Variants in BSCL2 observed in about 807,000 individuals in gnomAD.
BSCL2 encodes BSCL2 lipid droplet biogenesis associated, seipin.
A neutral mutation model predicts 57.4 loss-of-function variants in BSCL2; 41 were observed. That is an observed-to-expected ratio of 0.71 (90% CI 0.56 to 0.93). BSCL2 has a LOEUF of 0.93. Ranked by LOEUF, BSCL2 falls within the 40% of genes least tolerant of loss-of-function variation. BSCL2 has a pLI of 0.00. For synonymous variants in BSCL2, 237 were observed against 227.3 expected, an observed-to-expected ratio of 1.04 and a Z score of -0.38; for missense variants, 539 against 586.7, an observed-to-expected ratio of 0.92 and a Z score of 0.84.
At chr11:62,702,346 G>GT (rs1398689709) in intron 3 of BSCL2, 122 bp downstream of exon 3, 2 of 885,326 alleles carry the variant, frequency 2.3e-6, no homozygotes, top group Non-Finnish European at 3.5e-6. Flanking sequence ...GATTACAGGC[G>GT]TGAGCCACCG....
intron 1 of BSCL2, 110 bp downstream of exon 1, chr11:62,706,998 TC>T: frequency 1.1e-6 from 1 of 942,552 alleles, no homozygotes; most frequent in East Asian, 2.6e-5. Context: ...TGGGAAGTAA[TC>T]TATTCAAAAT....
At chr11:62,695,230 A>G (rs1411062586) in intron 3 of BSCL2, among the ~76,000 whole-genome samples, 1 of 152,192 alleles carries the variant, frequency 6.6e-6, no homozygotes, top group Non-Finnish European at 1.5e-5. Flanking sequence ...GCTTCTTCAC[A>G]GGGATCACCC....
At chr11:62,692,006 C>T (rs200385267) in intron 6 of BSCL2, among the ~76,000 whole-genome samples, 1 of 149,838 alleles carries the variant, frequency 6.7e-6, no homozygotes, top group African/African-American at 2.5e-5. Context: ...GAGCCGAGGT[C>T]GCGCCACTGC....
At chr11:62,701,879 G>A (rs1005997695) in intron 3 of BSCL2, among the ~76,000 whole-genome samples, 1 of 151,686 alleles carries the variant, frequency 6.6e-6, no homozygotes, top group African/African-American at 2.4e-5. Flanking sequence ...GGTTGTATAG[G>A]TACCTGAAGT....
chr11:62,701,816 G>A (rs1373775316), intron 3 of BSCL2, among the ~76,000 whole-genome samples: 1 of 146,402 alleles, frequency 6.8e-6, no homozygotes, highest in Non-Finnish European at 1.5e-5. Context: ...TGGCGACAGA[G>A]TGAGACTGTC....
At chr11:62,701,699 G>GTTAGC (rs2134726979) in intron 3 of BSCL2, among the ~76,000 whole-genome samples, 2 of 152,140 alleles carry the variant, frequency 1.3e-5, no homozygotes, top group East Asian at 3.9e-4. Context: ...GGGTGTGGTG[G>GTTAGC]CGCGCTCCTG....
rs1349790832 is a variant in BSCL2, at chr11:62,707,317, G to A, written c.-122C>T. On this transcript the variant is annotated 5_prime_UTR_variant, in exon 1 of 11. Coordinates refer to ENST00000360796, the MANE Select transcript of BSCL2 (RefSeq NM_001122955.4). ...CACATTTTCCTGGATATGGAAAATGGAGGGTCCCTGGGAGAGAAACGAAGA... is the reference window on the plus strand; with the variant it reads ...CACATTTTCCTGGATATGGAAAATGAAGGGTCCCTGGGAGAGAAACGAAGA... 3 of 889,606 alleles carry A rather than the reference G, an allele frequency of 3.4e-6. No homozygotes were observed. Among genetic ancestry groups the A allele is most frequent in the South Asian group, 1.4e-5 (1 of 71,108 alleles). The allele number at this position is 889,606 out of a possible 1,614,324, so 55.1% of individuals were successfully genotyped here. A position where few individuals can be genotyped will look rare whatever the true frequency, so the allele number is the denominator to read the frequency against.
intron 3 of BSCL2, among the ~76,000 whole-genome samples, chr11:62,696,281 TGTGTGTG>T (rs1945459200): frequency 6.2e-5 from 9 of 145,152 alleles, no homozygotes; most frequent in Admixed American, 1.4e-4. Flanking sequence ...AAACTTTTTG[TGTGTGTG>T]TGTGTGTGTG....
upstream of BSCL2, chr11:62,708,249 G>T (rs1427733281): frequency 8.3e-7 from 1 of 1,202,832 alleles, no homozygotes; most frequent in Non-Finnish European, 1.2e-6. Flanking sequence ...CATGGAGGGG[G>T]GCCTCCAGCT....
At chr11:62,691,163 G>GC (rs1475429413) in intron 7 of BSCL2, 22 bp from the exon 8 acceptor site, 1 of 1,614,196 alleles carries the variant, frequency 6.2e-7, no homozygotes, top group Admixed American at 1.7e-5. Flanking sequence ...AAACTACTGA[G>GC]CAGCCAGGAC....
intron 3 of BSCL2, among the ~76,000 whole-genome samples, chr11:62,700,060 T>C (rs1425677837): frequency 8.0e-6 from 1 of 125,044 alleles, no homozygotes. Context: ...GGCAACATAG[T>C]AAGATCTTGT....
At position 62,707,118 on chromosome 11, in the gene BSCL2, G is replaced by C. The variant is rs1166256164; in HGVS notation, c.78C>G (p.Asp26Glu). 8.4e-6 allele frequency: 13 copies of C among 1,553,490 alleles called. No homozygotes were observed. The South Asian group carries it at 1.2e-4, about 14-fold the overall frequency. The change falls in exon 1 of 11, where the codon GAC becomes GAG. Residue 26 changes from aspartate (D) to glutamate (E), a missense_variant. Physicochemically the swap from Asp to Glu is conservative, Grantham distance 45. Coordinates refer to ENST00000360796, the MANE Select transcript of BSCL2 (RefSeq NM_001122955.4). The stretch of plus-strand genomic sequence containing the variant: ...CCACAAGGGCCCCTACCTCCTCTTT[G>C]TCCGGTCCTTTGATCTGGTCTCCGC... ...EVCGDQIKGP[D>E]KEEEPPAAAS...
intron 3 of BSCL2, among the ~76,000 whole-genome samples, chr11:62,697,833 C>A (rs1945517450): frequency 6.6e-6 from 1 of 150,996 alleles, no homozygotes; most frequent in Non-Finnish European, 1.5e-5. Flanking sequence ...ACATCACCAT[C>A]TCCATGGTCT....
At chr11:62,702,408 G>A in intron 3 of BSCL2, 60 bp downstream of exon 3, 1 of 1,470,586 alleles carries the variant, frequency 6.8e-7, no homozygotes, top group South Asian at 1.2e-5. Context: ...CCTTTCTCAA[G>A]TCTTCCTATT....
At chr11:62,690,895 G>A in intron 8 of BSCL2, 28 bp from the exon 9 acceptor site, 1 of 1,611,024 alleles carries the variant, frequency 6.2e-7, no homozygotes, top group South Asian at 1.1e-5. Flanking sequence ...GAGAGGACAG[G>A]TTAGGGTTAG....
intron 2 of BSCL2, among the ~76,000 whole-genome samples, chr11:62,703,019 G>A (rs1042279670): frequency 2.6e-5 from 4 of 152,058 alleles, no homozygotes; most frequent in East Asian, 2.0e-4. Flanking sequence ...GCGTGGTGGC[G>A]CATGCCTGTA....
intron 3 of BSCL2, among the ~76,000 whole-genome samples, chr11:62,698,524 T>A (rs931965162): frequency 6.6e-6 from 1 of 152,214 alleles, no homozygotes; most frequent in Non-Finnish European, 1.5e-5. Context: ...AGTTTACTAC[T>A]TAAATGTATG....
At chr11:62,708,913 C>T (rs776472351), upstream of BSCL2, 170 of 823,500 alleles carry the variant, frequency 2.1e-4, no homozygotes, top group Middle Eastern at 3.7e-3. Context: ...CATCCCTAAC[C>T]CTTGCCTGAC....
chr11:62,705,290 G>GC lies in BSCL2; in HGVS notation c.404+10dup. ...TAGGAGTCCTCTATTTTGATAGAAG[G>GC]CCCCTCTCACCTGTAGTAGAAATGC... On this transcript the variant is annotated intron_variant, in intron 2 of 10. Coordinates refer to ENST00000360796, the MANE Select transcript of BSCL2 (RefSeq NM_001122955.4). The GC allele has an allele frequency of 6.2e-7, 1 of 1,600,240 alleles. No homozygotes were observed. Among genetic ancestry groups the GC allele is most frequent in the African/African-American group, 1.3e-5 (1 of 74,826 alleles).
Sources: gnomAD v4.1 joint callset for allele counts (sites outside exome capture counted in the v4.1 genomes callset) on GRCh38, gnomAD v4.1.1 for gene constraint, MANE v1.5 for transcripts, NCBI Gene and HGNC (gene_info 2026-07-23, HGNC 2026-07-21) for gene names.